The following DPY19L4 variants were observed in gnomAD, a reference collection of about 807,000 sequenced individuals.
DPY19L4 encodes the protein probable C-mannosyltransferase DPY19L4.
A neutral mutation model predicts 102.8 loss-of-function variants in DPY19L4; 97 were observed. The ratio of observed to expected loss-of-function variants is 0.94; its 90% confidence interval spans 0.80 to 1.12. The LOEUF is 1.12. Among genes scored for constraint, DPY19L4 ranks in the 50% most tolerant of loss-of-function variants. DPY19L4 has a pLI of 0.00. For synonymous variants in DPY19L4, 252 were observed against 283.1 expected, an observed-to-expected ratio of 0.89 and a Z score of 1.10; for missense variants, 815 against 850.4, an observed-to-expected ratio of 0.96 and a Z score of 0.52.
chr8:94,777,717 A>C lies in DPY19L4; in HGVS notation c.1506A>C (p.Val502=), dbSNP rs748511685. The change falls in exon 14 of 19, where the codon GTA becomes GTC. Residue 502 remains valine (V), a synonymous_variant. Coordinates refer to ENST00000414645, the MANE Select transcript of DPY19L4 (RefSeq NM_181787.3). ...PYVCMLAAFG[V]CSPELWMTLF... is the part of the protein sequence containing the mutation. ...TGTGCATGTTAGCAGCATTTGGTGT[A>C]TGTTCTCCCGAACTTTGGATGACAC... The C allele has an allele frequency of 1.1e-5, 18 of 1,614,072 alleles. 1 individual carries two copies. Among genetic ancestry groups the C allele is most frequent in the Non-Finnish European group, 1.4e-5 (17 of 1,179,990 alleles).
chr8:94,781,181 G>A lies in DPY19L4; in HGVS notation c.1715+15G>A. Reference sequence around the variant, plus strand: ...ACCTGGATAAAGTAAGGATTGAAGTGCCCAAGACTATTATTAAGCTATTAA... The same window carrying A: ...ACCTGGATAAAGTAAGGATTGAAGTACCCAAGACTATTATTAAGCTATTAA... On this transcript the variant is annotated intron_variant, in intron 16 of 18. Coordinates refer to ENST00000414645, the MANE Select transcript of DPY19L4 (RefSeq NM_181787.3). 6.5e-7 allele frequency: 1 copy of A among 1,549,024 alleles called. No individual in the cohort carries two copies. Among genetic ancestry groups the A allele is most frequent in the South Asian group, 1.3e-5 (1 of 79,154 alleles).
intron 13 of DPY19L4, among the ~76,000 whole-genome samples, chr8:94,776,026 C>CTTTTTTTTT (rs1165180641): frequency 2.1e-4 from 17 of 81,522 alleles, no homozygotes; most frequent in Middle Eastern, 0.012. Flanking sequence ...ATTTTTAAAT[C>CTTTTTTTTT]TTTTTTTTTT....
chr8:94,747,380 A>G (rs1420482775), intron 6 of DPY19L4, among the ~76,000 whole-genome samples: 3 of 146,710 alleles, frequency 2.0e-5, no homozygotes, highest in African/African-American at 5.2e-5. Context: ...TTGGCAATGT[A>G]GCATTTATTA....
chr8:94,756,615 T>C lies in DPY19L4; in HGVS notation c.735+456T>C, dbSNP rs574004473. ...TTCTGTGACTGAGGTATAGGTAGGT[T>C]GGTAAAAATTTCAGGAGACTGTCCC... On this transcript the variant is annotated intron_variant, in intron 7 of 18. Transcript: ENST00000414645. Among the ~76,000 whole-genome samples, 111 of 152,318 alleles carry C rather than the reference T, an allele frequency of 7.3e-4. 1 individual carries two copies. The highest frequency in any genetic ancestry group is 1.4e-3 in the Non-Finnish European group (93 of 68,024).
At chr8:94,730,061 G>A (rs1190823020) in intron 2 of DPY19L4, among the ~76,000 whole-genome samples, 1 of 150,774 alleles carries the variant, frequency 6.6e-6, no homozygotes, top group Admixed American at 6.6e-5. Flanking sequence ...TTTTTTCTAT[G>A]TACTTATAGT....
intron 11 of DPY19L4, among the ~76,000 whole-genome samples, chr8:94,767,783 ATGTAAT>A (rs1812743859): frequency 6.6e-6 from 1 of 152,224 alleles, no homozygotes; most frequent in Non-Finnish European, 1.5e-5. Context: ...TGAACCACTT[ATGTAAT>A]TGTAATTTTC....
At chr8:94,756,239 A>G (rs1445806510) in intron 7 of DPY19L4, 80 bp downstream of exon 7, 1 of 1,538,744 alleles carries the variant, frequency 6.5e-7, no homozygotes, top group African/African-American at 1.4e-5. Context: ...AATAAATTTT[A>G]GTCCTAGTAA....
intron 13 of DPY19L4, among the ~76,000 whole-genome samples, chr8:94,772,633 T>C (rs997392503): frequency 3.9e-5 from 6 of 152,230 alleles, no homozygotes; most frequent in East Asian, 1.9e-4. Flanking sequence ...AGGGTTTGTA[T>C]TGGGGCTCAG....
chr8:94,720,904 G>A (rs775282261), intron 1 of DPY19L4, among the ~76,000 whole-genome samples: 1 of 151,754 alleles, frequency 6.6e-6, no homozygotes, highest in Non-Finnish European at 1.5e-5. Flanking sequence ...GAGTGGAGCT[G>A]TGGATGTGAT....
chr8:94,748,646 A>C (rs1393867316), intron 6 of DPY19L4, among the ~76,000 whole-genome samples: 1 of 150,146 alleles, frequency 6.7e-6, no homozygotes, highest in Non-Finnish European at 1.5e-5. Context: ...GACGATGATG[A>C]TGATGATGAC....
chr8:94,759,749 C>T (rs750840541), intron 7 of DPY19L4, among the ~76,000 whole-genome samples: 11 of 151,006 alleles, frequency 7.3e-5, no homozygotes, highest in African/African-American at 2.2e-4. Flanking sequence ...GTGATCCGCC[C>T]GCTTCAGCCT....
At chr8:94,769,375 T>C in intron 12 of DPY19L4, among the ~76,000 whole-genome samples, 1 of 152,116 alleles carries the variant, frequency 6.6e-6, no homozygotes, top group East Asian at 1.9e-4. Flanking sequence ...AACTTAGTTT[T>C]ATATATCTAA....
chr8:94,736,475 A>G (rs1304524747), intron 3 of DPY19L4, among the ~76,000 whole-genome samples: 1 of 152,208 alleles, frequency 6.6e-6, no homozygotes, highest in Non-Finnish European at 1.5e-5. Context: ...CTTTTTTGGT[A>G]ACATCCGTTA....
rs546481275 is a variant in DPY19L4 at position 94,743,537 on chromosome 8, A to G, written c.611+3747A>G. Among the ~76,000 whole-genome samples the G allele has an allele frequency of 2.6e-5, 4 of 151,832 alleles. No homozygotes were observed. In the East Asian group the frequency reaches 7.7e-4, roughly 29 times the overall value. On this transcript the variant is annotated intron_variant, in intron 6 of 18. Coordinates refer to ENST00000414645, the MANE Select transcript of DPY19L4 (RefSeq NM_181787.3). ...TGTGTGCCTGCAATCCCAGCTACTC[A>G]GGAAGCTGAGGCAGGAGGATCACTT...
At chr8:94,777,621 ATGT>A (rs756800284) in intron 13 of DPY19L4, 42 bp from the exon 14 acceptor site, 1 of 1,570,012 alleles carries the variant, frequency 6.4e-7, no homozygotes, top group East Asian at 2.3e-5. Context: ...GATAATAATG[ATGT>A]TCACAGGATG....
chr8:94,726,676 A>G (rs1392162770), intron 2 of DPY19L4, among the ~76,000 whole-genome samples: 3 of 152,188 alleles, frequency 2.0e-5, no homozygotes. Flanking sequence ...GCGAAGGAAT[A>G]GTCCGTATTT....
intron 10 of DPY19L4, among the ~76,000 whole-genome samples, chr8:94,766,233 G>A (rs192499591): frequency 1.3e-5 from 2 of 152,278 alleles, no homozygotes; most frequent in East Asian, 3.9e-4. Flanking sequence ...AAATTAGCTG[G>A]GCGTGGTGGC....
In DPY19L4 at chr8:94,793,393, C is replaced by G. The variant is rs1169084272; in HGVS notation, c.*3483C>G. 1 of 151,862 alleles carries G rather than the reference C, an allele frequency of 6.6e-6. No homozygotes were observed. The highest frequency in any genetic ancestry group is 1.5e-5 in the Non-Finnish European group (1 of 68,010). 9.4% of individuals were successfully genotyped at this position (151,862 alleles called of 1,614,324 possible). On this transcript the variant is annotated 3_prime_UTR_variant, in exon 19 of 19. Transcript: ENST00000414645. ...TTTCGTGGATAAAAGTAGTGCCTCT[C>G]TTTATACAACTGATGGGGTTTTAAA...
intron 6 of DPY19L4, among the ~76,000 whole-genome samples, chr8:94,750,934 C>G (rs1443089112): frequency 6.6e-6 from 1 of 151,470 alleles, no homozygotes; most frequent in Non-Finnish European, 1.5e-5. Context: ...AGACGTGCCA[C>G]CATGCCTGGC....
Sources: allele counts gnomAD v4.1 joint callset (sites outside exome capture counted in the v4.1 genomes callset), GRCh38; gene constraint gnomAD v4.1.1; transcripts MANE v1.5; gene names NCBI Gene and HGNC (gene_info 2026-07-23, HGNC 2026-07-21).